TRIQK: variants seen among roughly 807,000 people sequenced by gnomAD.
TRIQK encodes the protein triple QxxK/R motif containing.
A neutral mutation model predicts 10.8 loss-of-function variants in TRIQK; 10 were observed. The observed-to-expected ratio is 0.92, with a 90% CI of 0.57 to 1.57. The LOEUF (loss-of-function observed/expected upper bound fraction) is 1.57, where lower values mean the gene tolerates loss of function less well. Among genes scored for constraint, TRIQK ranks in the 40% most tolerant of loss-of-function variants. The pLI is 0.00. For missense variants in TRIQK, 107 were observed against 97.7 expected (o/e 1.09, Z -0.40); for synonymous variants, 33 against 33.7 (o/e 0.98, Z 0.07).
intron 1 of TRIQK, among the ~76,000 whole-genome samples, chr8:92,979,450 T>C (rs1044051215): frequency 6.6e-6 from 1 of 152,116 alleles, no homozygotes; most frequent in African/African-American, 2.4e-5. Context: ...CCTAAGCATA[T>C]CACCAGATAT....
At chr8:92,941,439 C>G (rs1410699075) in intron 2 of TRIQK, 1 of 151,950 alleles carries the variant, frequency 6.6e-6, no homozygotes, top group Non-Finnish European at 1.5e-5. Context: ...TGAGATACAG[C>G]AAAAGCAGTT....
intron 2 of TRIQK, among the ~76,000 whole-genome samples, chr8:92,945,630 C>T (rs1427137282): frequency 2.6e-5 from 4 of 152,132 alleles, no homozygotes; most frequent in Non-Finnish European, 4.4e-5. Context: ...GCTTAGTGAC[C>T]AACTTACATT....
chr8:92,983,572 G>T (rs915638817), intron 1 of TRIQK, among the ~76,000 whole-genome samples: 20 of 152,008 alleles, frequency 1.3e-4, no homozygotes, highest in Admixed American at 2.6e-4. Context: ...AATCACATGG[G>T]TGTATTTTTA....
At chr8:92,894,065 T>C (rs898007642) in intron 3 of TRIQK, among the ~76,000 whole-genome samples, 1 of 152,132 alleles carries the variant, frequency 6.6e-6, no homozygotes, top group Non-Finnish European at 1.5e-5. Flanking sequence ...TCAACTCTCA[T>C]ATTCTTAGAG....
In TRIQK at chr8:92,886,449, C is replaced by T; in HGVS notation, c.*173G>A. Reference sequence around the variant, plus strand: ...CAGTAGCACATACTATACTGCATTGCTAGGTAAGGTTCTTTTCCTGACATC... The same window carrying T: ...CAGTAGCACATACTATACTGCATTGTTAGGTAAGGTTCTTTTCCTGACATC... On this transcript the variant is annotated 3_prime_UTR_variant, in exon 5 of 5. Transcript: ENST00000521988. 6 of 506,840 alleles carry T rather than the reference C, an allele frequency of 1.2e-5. No individual in the cohort carries two copies. The highest frequency in any genetic ancestry group is 2.1e-5 in the Non-Finnish European group (6 of 284,562). 31.4% of individuals were successfully genotyped at this position (506,840 alleles called of 1,614,324 possible). A position where few individuals can be genotyped will look rare whatever the true frequency, so the allele number is the denominator to read the frequency against.
At chr8:92,998,480 G>A (rs916943947) in intron 1 of TRIQK, among the ~76,000 whole-genome samples, 31 of 151,862 alleles carry the variant, frequency 2.0e-4, no homozygotes, top group African/African-American at 6.0e-4. Context: ...TACAAAGGCA[G>A]AAAATTAAAT....
chr8:92,974,878 C>G (rs1439545641), intron 1 of TRIQK: 1 of 152,222 alleles, frequency 6.6e-6, no homozygotes, highest in Non-Finnish European at 1.5e-5. Context: ...AGGGCCTTGC[C>G]TGGGACCAAG....
intron 2 of TRIQK, among the ~76,000 whole-genome samples, chr8:92,924,113 T>C (rs1339410041): frequency 6.6e-6 from 1 of 151,964 alleles, no homozygotes; most frequent in Non-Finnish European, 1.5e-5. Context: ...CGTGAAGCTA[T>C]AGTTAGGCAG....
In TRIQK at chr8:92,893,875, A is replaced by C. The variant is rs1816881439; in HGVS notation, c.62-1801T>G. ...GGGGGGTGGGGGGTGAGCAGCAGGA[A>C]TAAACAGATGCAAGAGGATTATCTT... On this transcript the variant is annotated intron_variant, in intron 3 of 4. Transcript: ENST00000521988. Among the ~76,000 whole-genome samples the C allele has an allele frequency of 3.9e-5, 6 of 152,036 alleles. No individual in the cohort carries two copies. In the South Asian group the frequency reaches 1.0e-3, roughly 26 times the overall value.
chr8:92,984,416 A>T (rs960283593), intron 1 of TRIQK, among the ~76,000 whole-genome samples: 1 of 152,070 alleles, frequency 6.6e-6, no homozygotes, highest in Non-Finnish European at 1.5e-5. Context: ...TCAAGGGGGA[A>T]AAAAGTGTTT....
chr8:92,940,812 G>A (rs1811230468), intron 2 of TRIQK, among the ~76,000 whole-genome samples: 1 of 152,090 alleles, frequency 6.6e-6, no homozygotes, highest in Non-Finnish European at 1.5e-5. Flanking sequence ...ACAACCAACT[G>A]CTGAAGAATA....
chr8:92,968,634 T>C (rs1423265932), upstream of TRIQK, among the ~76,000 whole-genome samples: 1 of 152,224 alleles, frequency 6.6e-6, no homozygotes, highest in Non-Finnish European at 1.5e-5. Flanking sequence ...CTTCACCCAC[T>C]TTTTGATGCG....
intron 2 of TRIQK, among the ~76,000 whole-genome samples, chr8:92,942,571 G>T (rs1278328141): frequency 8.5e-5 from 13 of 152,146 alleles, no homozygotes. Context: ...GAATTAAAAG[G>T]CCTCCAAGTT....
At position 92,885,400 on chromosome 8, in the gene TRIQK, T is replaced by C. The variant is rs539903364; in HGVS notation, c.*1222A>G. 103 of 161,912 alleles carry C rather than the reference T, an allele frequency of 6.4e-4. No homozygotes were observed. Among genetic ancestry groups the C allele is most frequent in the Non-Finnish European group, 1.1e-3 (83 of 73,276 alleles). The allele number at this position is 161,912 out of a possible 1,614,324, so 10.0% of individuals were successfully genotyped here. A position where few individuals can be genotyped will look rare whatever the true frequency, so the allele number is the denominator to read the frequency against. ...ATACAATGTATATAATATAAAACACTTTGTGCACATGTTTCCAACAATTTC... is the reference window on the plus strand; with the variant it reads ...ATACAATGTATATAATATAAAACACCTTGTGCACATGTTTCCAACAATTTC... On this transcript the variant is annotated 3_prime_UTR_variant, in exon 5 of 5. Coordinates refer to ENST00000521988, the MANE Select transcript of TRIQK (RefSeq NM_001171797.2).
chr8:92,976,253 A>T (rs1812931254), intron 1 of TRIQK, among the ~76,000 whole-genome samples: 1 of 151,980 alleles, frequency 6.6e-6, no homozygotes, highest in Non-Finnish European at 1.5e-5. Context: ...AAAGGTGTTT[A>T]ACTCTCCTAC....
chr8:92,961,055 C>G (rs1812434159), intron 1 of TRIQK, among the ~76,000 whole-genome samples: 1 of 152,144 alleles, frequency 6.6e-6, no homozygotes. Context: ...CGGCAAATAA[C>G]TCCCCGAAAT....
At chr8:92,955,617 G>C (rs1056141752) in intron 1 of TRIQK, among the ~76,000 whole-genome samples, 1 of 151,534 alleles carries the variant, frequency 6.6e-6, no homozygotes, top group Non-Finnish European at 1.5e-5. Context: ...TAAAGAACAT[G>C]ACCAAAAAAG....
At chr8:92,946,194 T>G (rs777264862) in intron 2 of TRIQK, among the ~76,000 whole-genome samples, 1 of 152,084 alleles carries the variant, frequency 6.6e-6, no homozygotes, top group African/African-American at 2.4e-5. Flanking sequence ...AATTCACATA[T>G]AGATGGAAAA....
intron 3 of TRIQK, among the ~76,000 whole-genome samples, chr8:92,897,018 T>C (rs1319744592): frequency 6.6e-6 from 1 of 152,004 alleles, no homozygotes; most frequent in Non-Finnish European, 1.5e-5. Flanking sequence ...GGTTTCGCAA[T>C]ACTGGCCATG....
Sources: gnomAD v4.1 joint callset for allele counts (sites outside exome capture counted in the v4.1 genomes callset) on GRCh38, gnomAD v4.1.1 for gene constraint, MANE v1.5 for transcripts, NCBI Gene and HGNC (gene_info 2026-07-23, HGNC 2026-07-21) for gene names.